Variants in NLGN1 observed in about 807,000 individuals in gnomAD.
NLGN1 encodes the protein neuroligin 1.
A neutral mutation model predicts 65.5 loss-of-function variants in NLGN1; 12 were observed. That is an observed-to-expected ratio of 0.18 (90% CI 0.12 to 0.30). The LOEUF is 0.30. Ranked by LOEUF, NLGN1 falls within the 10% of genes least tolerant of loss-of-function variation. NLGN1 has a pLI of 1.00. For synonymous variants in NLGN1, 350 were observed against 359.5 expected (o/e 0.97, Z 0.30); for missense variants, 750 against 1,007.1 (o/e 0.74, Z 3.46).
chr3:173,697,651 C>T (rs535538089), intron 3 of NLGN1, among the ~76,000 whole-genome samples: 503 of 152,100 alleles, frequency 3.3e-3, no homozygotes, highest in African/African-American at 0.012. Context: ...CCTCAGCCTC[C>T]TGAGTAGCTG....
intron 2 of NLGN1, among the ~76,000 whole-genome samples, chr3:173,518,183 A>G (rs184179374): frequency 6.7e-4 from 102 of 152,274 alleles, no homozygotes; most frequent in African/African-American, 2.4e-3. Flanking sequence ...CTTTTTGCCA[A>G]ACTGATTGGT....
At chr3:174,281,413 A>T (rs1751523281) in exon 7 of NLGN1, 3 of 706,752 alleles carry the variant, frequency 4.2e-6, no homozygotes, top group Admixed American at 5.8e-5. Context: ...GAGGAATATT[A>T]TGTGAATATA....
intron 3 of NLGN1, among the ~76,000 whole-genome samples, chr3:173,669,408 G>T (rs1489413962): frequency 6.6e-6 from 1 of 152,168 alleles, no homozygotes; most frequent in East Asian, 1.9e-4. Flanking sequence ...ACTAAGAAAA[G>T]ATCTGTTCCC....
chr3:173,935,444 T>A (rs1010160980), intron 4 of NLGN1, among the ~76,000 whole-genome samples: 2 of 151,948 alleles, frequency 1.3e-5, no homozygotes, highest in Non-Finnish European at 2.9e-5. Flanking sequence ...GACTTTTTTT[T>A]ACTGCCCTGC....
intron 4 of NLGN1, among the ~76,000 whole-genome samples, chr3:173,952,995 T>G (rs1346280433): frequency 6.6e-6 from 1 of 152,088 alleles, no homozygotes; most frequent in Non-Finnish European, 1.5e-5. Context: ...TCCAGGCTGG[T>G]CTTGAACTCC....
chr3:173,949,527 G>T (rs1404202391), intron 4 of NLGN1, among the ~76,000 whole-genome samples: 2 of 152,080 alleles, frequency 1.3e-5, no homozygotes, highest in African/African-American at 4.8e-5. Context: ...GGTAAAAGAG[G>T]CATCTGGATT....
intron 3 of NLGN1, among the ~76,000 whole-genome samples, chr3:173,702,225 C>T (rs1367102473): frequency 1.5e-5 from 2 of 134,944 alleles, no homozygotes; most frequent in Non-Finnish European, 1.5e-5. Flanking sequence ...GGCGACAGAG[C>T]GAGACTCCGT....
intron 4 of NLGN1, among the ~76,000 whole-genome samples, chr3:173,942,109 G>A (rs57490013): frequency 6.9e-6 from 1 of 144,070 alleles, no homozygotes; most frequent in Admixed American, 7.0e-5. Context: ...GGTGGTTGGG[G>A]GTGTGTGTGT....
chr3:173,941,901 T>C (rs1269638818), intron 4 of NLGN1, among the ~76,000 whole-genome samples: 1 of 151,902 alleles, frequency 6.6e-6, no homozygotes, highest in Non-Finnish European at 1.5e-5. Context: ...AAACCATAAA[T>C]ACATGTCCAT....
chr3:173,700,441 T>C (rs890079317), intron 3 of NLGN1, among the ~76,000 whole-genome samples: 2 of 152,244 alleles, frequency 1.3e-5, no homozygotes, highest in African/African-American at 4.8e-5. Flanking sequence ...CTTTGTACTC[T>C]ACAGGCAGAA....
At chr3:173,719,518 GACTT>G in intron 3 of NLGN1, among the ~76,000 whole-genome samples, 1 of 152,260 alleles carries the variant, frequency 6.6e-6, no homozygotes, top group East Asian at 1.9e-4. Context: ...CTTCCAAGGG[GACTT>G]ACATCACAAT....
chr3:173,483,621 C>T (rs1012922935), intron 2 of NLGN1, among the ~76,000 whole-genome samples: 2 of 151,910 alleles, frequency 1.3e-5, no homozygotes, highest in Admixed American at 1.3e-4. Context: ...AAAATGTGAG[C>T]AACTTTATTT....
At chr3:174,241,807 C>T (rs1350694323) in intron 4 of NLGN1, among the ~76,000 whole-genome samples, 4 of 152,036 alleles carry the variant, frequency 2.6e-5, no homozygotes, top group Non-Finnish European at 5.9e-5. Flanking sequence ...TACAGGCGCC[C>T]GCCACCACGC....
At chr3:173,843,301 C>T (rs890903084) in intron 4 of NLGN1, among the ~76,000 whole-genome samples, 1 of 152,054 alleles carries the variant, frequency 6.6e-6, no homozygotes, top group African/African-American at 2.4e-5. Context: ...CTCTGACGTG[C>T]CCCGAAGACA....
chr3:173,652,007 C>T (rs116187464), intron 3 of NLGN1, among the ~76,000 whole-genome samples: 2,739 of 152,046 alleles, frequency 0.018, 90 homozygotes, highest in African/African-American at 0.061. Context: ...TTGGCCAGGC[C>T]GGTTTCAAAC....
At chr3:173,703,074 G>GTTT (rs879872052) in intron 3 of NLGN1, among the ~76,000 whole-genome samples, 3 of 142,772 alleles carry the variant, frequency 2.1e-5, no homozygotes, top group African/African-American at 5.1e-5. Context: ...TGTTACTAGA[G>GTTT]TTTTTTTTTT....
At chr3:174,159,231 A>G (rs138881660) in intron 4 of NLGN1, among the ~76,000 whole-genome samples, 32 of 151,830 alleles carry the variant, frequency 2.1e-4, no homozygotes, top group Admixed American at 1.6e-3. Context: ...ATGAAATAAG[A>G]TATTTGTGAG....
At chr3:174,133,029 A>C (rs7619523) in intron 4 of NLGN1, among the ~76,000 whole-genome samples, 12,171 of 152,240 alleles carry the variant, frequency 0.08, 1,073 homozygotes, top group African/African-American at 0.22. Flanking sequence ...TACTGCCAGT[A>C]AACTAAAAAT....
intron 4 of NLGN1, among the ~76,000 whole-genome samples, chr3:174,241,392 C>T (rs1440422689): frequency 6.6e-6 from 1 of 151,494 alleles, no homozygotes; most frequent in Non-Finnish European, 1.5e-5. Context: ...ATAGCTTTCC[C>T]ACAGTAGAGA....
Sources: allele counts gnomAD v4.1 joint callset (sites outside exome capture counted in the v4.1 genomes callset), GRCh38; gene constraint gnomAD v4.1.1; transcripts MANE v1.5; gene names NCBI Gene and HGNC (gene_info 2026-07-23, HGNC 2026-07-21).